The following ATP9B variants were observed in gnomAD, a reference collection of about 807,000 sequenced individuals.
The protein encoded by ATP9B is probable phospholipid-transporting ATPase IIB.
In ATP9B, 110 loss-of-function variants were observed where a neutral mutation model predicts 146.1. The ratio of observed to expected loss-of-function variants is 0.75; its 90% CI spans 0.65 to 0.88. The LOEUF (loss-of-function observed/expected upper bound fraction) is 0.88, where lower values mean the gene tolerates loss of function less well. Ranked by LOEUF, ATP9B falls within the 40% of genes least tolerant of loss-of-function variation. ATP9B has a pLI of 0.00. For missense variants in ATP9B, 1,499 were observed against 1,496.4 expected (o/e 1.00, Z -0.03); for synonymous variants, 604 against 569.7 (o/e 1.06, Z -0.86).
At chr18:79,329,491 A>G (rs1254337049) in intron 16 of ATP9B, among the ~76,000 whole-genome samples, 189 bp downstream of exon 16, 2 of 151,662 alleles carry the variant, frequency 1.3e-5, no homozygotes, top group African/African-American at 4.9e-5. Flanking sequence ...CTGTGTCTCT[A>G]GTGAGATAAA....
At chr18:79,181,567 C>T (rs1356170436) in intron 8 of ATP9B, among the ~76,000 whole-genome samples, 4 of 152,116 alleles carry the variant, frequency 2.6e-5, no homozygotes, top group African/African-American at 9.7e-5. Flanking sequence ...TCCCACATGC[C>T]ATTGATGCTC....
intron 9 of ATP9B, among the ~76,000 whole-genome samples, chr18:79,202,604 G>A (rs918861861): frequency 6.6e-6 from 1 of 152,160 alleles, no homozygotes; most frequent in African/African-American, 2.4e-5. Context: ...TAAAGAGAAG[G>A]AAAGTGAAAT....
chr18:79,375,355 A>ATTTTCTTT, intron 28 of ATP9B, 39 bp from the exon 29 acceptor site: 1 of 1,567,942 alleles, frequency 6.4e-7, no homozygotes, highest in Non-Finnish European at 8.8e-7. Flanking sequence ...TATCTCCTTT[A>ATTTTCTTT]ATCTGTCCTT....
rs1376384111 is a variant in ATP9B at position 79,207,027 on chromosome 18, C to T, written c.1030+15C>T. 6.8e-6 allele frequency: 11 copies of T among 1,609,650 alleles called. No individual in the cohort carries two copies. Among genetic ancestry groups the T allele is most frequent in the Non-Finnish European group, 9.4e-6 (11 of 1,176,030 alleles). ...TGTTGCATCAGGTAAGGAAAACATT[C>T]TCCTCTGAGTGTGATTGCTCCCGGA... On this transcript the variant is annotated intron_variant, in intron 10 of 29. Coordinates refer to ENST00000426216, the MANE Select transcript of ATP9B (RefSeq NM_198531.5).
chr18:79,128,167 C>A (rs1247284562), intron 5 of ATP9B, among the ~76,000 whole-genome samples: 1 of 146,248 alleles, frequency 6.8e-6, no homozygotes, highest in Non-Finnish European at 1.5e-5. Flanking sequence ...TCGGGCGATT[C>A]TCCTGCCTCA....
At chr18:79,122,293 C>T (rs979812383) in intron 4 of ATP9B, among the ~76,000 whole-genome samples, 6 of 152,138 alleles carry the variant, frequency 3.9e-5, no homozygotes, top group Non-Finnish European at 7.4e-5. Context: ...GCATCATGAA[C>T]ATGAGTCTGT....
At chr18:79,212,929 T>C (rs2095597241) in intron 10 of ATP9B, among the ~76,000 whole-genome samples, 1 of 152,138 alleles carries the variant, frequency 6.6e-6, no homozygotes, top group African/African-American at 2.4e-5. Flanking sequence ...TGGGGAATAC[T>C]TCACATCTTC....
In ATP9B at chr18:79,253,467, A is replaced by G; in HGVS notation, c.1194A>G (p.Leu398=). ...LVALSIVMVT[L]QGFVGPWYRN... Reference sequence around the variant, plus strand: ...CTCTTTCCATTGTTATGGTAACCTTACAAGGATTTGTGGGTCCATGGTACC... The same window carrying G: ...CTCTTTCCATTGTTATGGTAACCTTGCAAGGATTTGTGGGTCCATGGTACC... Residue 398 remains leucine (L), a synonymous_variant, in exon 12 of 30, where the codon TTA becomes TTG. Transcript: ENST00000426216. The G allele has an allele frequency of 1.2e-6, 2 of 1,613,680 alleles. No homozygotes were observed. Among genetic ancestry groups the G allele is most frequent in the Middle Eastern group, 3.3e-4 (2 of 6,062 alleles).
intron 13 of ATP9B, among the ~76,000 whole-genome samples, chr18:79,289,033 T>C (rs1466862061): frequency 6.6e-6 from 1 of 152,168 alleles, no homozygotes; most frequent in East Asian, 1.9e-4. Flanking sequence ...CCTTTCTCTC[T>C]GGCTGCCCTT....
intron 11 of ATP9B, among the ~76,000 whole-genome samples, chr18:79,247,798 A>G (rs1160690965): frequency 6.6e-6 from 1 of 152,216 alleles, no homozygotes; most frequent in Non-Finnish European, 1.5e-5. Context: ...TTCAAGGGAA[A>G]ACATTTTATA....
chr18:79,354,141 T>C (rs2096937071), intron 25 of ATP9B: 2 of 152,198 alleles, frequency 1.3e-5, no homozygotes, highest in South Asian at 4.1e-4. Context: ...ATATAACCTT[T>C]AGGTATCCGC....
At chr18:79,204,902 A>G (rs2095520307) in intron 9 of ATP9B, among the ~76,000 whole-genome samples, 1 of 152,162 alleles carries the variant, frequency 6.6e-6, no homozygotes, top group African/African-American at 2.4e-5. Context: ...GCCAGTGTAT[A>G]TTTTTGAAAT....
At chr18:79,204,044 T>G (rs1486583991) in intron 9 of ATP9B, among the ~76,000 whole-genome samples, 1 of 152,230 alleles carries the variant, frequency 6.6e-6, no homozygotes, top group Non-Finnish European at 1.5e-5. Flanking sequence ...ATATTTTGGT[T>G]GTTCTATCAA....
intron 2 of ATP9B, among the ~76,000 whole-genome samples, chr18:79,101,828 A>T (rs574228704): frequency 9.1e-4 from 138 of 151,514 alleles, no homozygotes; most frequent in Non-Finnish European, 1.7e-3. Flanking sequence ...TTTAATTTCT[A>T]CTTGTGTTGT....
intron 3 of ATP9B, among the ~76,000 whole-genome samples, chr18:79,111,145 A>G (rs886390688): frequency 9.9e-5 from 15 of 152,214 alleles, no homozygotes. Context: ...AACAGTTCAT[A>G]TACAATTAGA....
intron 25 of ATP9B, among the ~76,000 whole-genome samples, chr18:79,350,428 C>T (rs1373385557): frequency 2.0e-5 from 3 of 152,214 alleles, no homozygotes; most frequent in African/African-American, 7.2e-5. Flanking sequence ...ACAAGGAAAG[C>T]GCCGTCATCG....
chr18:79,341,289 C>T (rs534413699), intron 19 of ATP9B, among the ~76,000 whole-genome samples: 24 of 136,946 alleles, frequency 1.8e-4, no homozygotes, highest in African/African-American at 5.5e-4. Flanking sequence ...TCTGTGTTGC[C>T]GACACACCAT....
intron 8 of ATP9B, among the ~76,000 whole-genome samples, chr18:79,181,475 T>C (rs1326539483): frequency 1.3e-5 from 2 of 152,174 alleles, no homozygotes; most frequent in African/African-American, 2.4e-5. Context: ...GTCTAACTAC[T>C]AATATCAAGT....
intron 10 of ATP9B, among the ~76,000 whole-genome samples, chr18:79,207,218 G>A (rs779107923): frequency 4.6e-5 from 7 of 152,194 alleles, no homozygotes; most frequent in Non-Finnish European, 7.3e-5. Context: ...CACGTGGTTC[G>A]CAAGGCCTGA....
Sources: gnomAD v4.1 joint callset for allele counts (sites outside exome capture counted in the v4.1 genomes callset) on GRCh38, gnomAD v4.1.1 for gene constraint, MANE v1.5 for transcripts, NCBI Gene and HGNC (gene_info 2026-07-23, HGNC 2026-07-21) for gene names.